LMO3: variants seen among roughly 807,000 people sequenced by gnomAD.
LMO3 encodes LIM domain only protein 3.
LMO3 carries 2 observed loss-of-function variants against 15.8 expected under a neutral mutation model. That is an observed-to-expected ratio of 0.13 (90% CI 0.05 to 0.40). The LOEUF is 0.40. Ranked by LOEUF, LMO3 falls within the 10% of genes least tolerant of loss-of-function variation. LMO3 has a pLI of 0.99. For missense variants in LMO3, 86 were observed against 182.2 expected (o/e 0.47, Z 3.04); for synonymous variants, 62 against 63.8 (o/e 0.97, Z 0.13).
intron 2 of LMO3, among the ~76,000 whole-genome samples, chr12:16,595,658 G>T (rs1345753016): frequency 6.6e-6 from 1 of 151,260 alleles, no homozygotes; most frequent in African/African-American, 2.4e-5. Flanking sequence ...AATTTTTAAG[G>T]AATATAACAG....
rs1416969730 is a variant in LMO3 at position 16,558,812 on chromosome 12, A to T, written c.332+1601T>A. Among the ~76,000 whole-genome samples the T allele has an allele frequency of 2.0e-5, 3 of 152,186 alleles. No homozygotes were observed. The East Asian group carries it at 5.8e-4, about 29-fold the overall frequency. On this transcript the variant is annotated intron_variant, in intron 3 of 3. Transcript: ENST00000537304. Reference sequence around the variant, plus strand: ...TGGAATATTATTTGGTAAATTATAAAGATAACTAACTTTTGAGAACCTGTT... The same window carrying T: ...TGGAATATTATTTGGTAAATTATAATGATAACTAACTTTTGAGAACCTGTT...
rs981849725 is a variant in LMO3 at position 16,550,314 on chromosome 12, C to T, written c.*908G>A. On this transcript the variant is annotated 3_prime_UTR_variant, in exon 4 of 4. Transcript: ENST00000537304. ...GAAGTTTAATTTATCACTTAAAAATCATCTCATAATTGTGGTAACAGATTT... is the reference window on the plus strand; with the variant it reads ...GAAGTTTAATTTATCACTTAAAAATTATCTCATAATTGTGGTAACAGATTT... The T allele has an allele frequency of 6.6e-6, 1 of 152,370 alleles. No individual in the cohort carries two copies. The highest frequency in any genetic ancestry group is 6.6e-5 in the Admixed American group (1 of 15,252). 9.4% of individuals were successfully genotyped at this position (152,370 alleles called of 1,614,324 possible).
intron 2 of LMO3, among the ~76,000 whole-genome samples, chr12:16,568,666 T>G (rs547702214): frequency 6.6e-6 from 1 of 152,232 alleles, no homozygotes; most frequent in East Asian, 1.9e-4. Flanking sequence ...TTTGGATACA[T>G]TGCATTAAAT....
In LMO3 at chr12:16,589,760, G is replaced by A. The variant is rs1025289789; in HGVS notation, c.206+10895C>T. Among the ~76,000 whole-genome samples, 17 of 152,134 alleles carry A rather than the reference G, an allele frequency of 1.1e-4. No homozygotes were observed. The highest frequency in any genetic ancestry group is 4.1e-4 in the African/African-American group (17 of 41,512). On this transcript the variant is annotated intron_variant, in intron 2 of 3. Transcript: ENST00000537304. This position sits in a 1 kb window ranked among gnomAD's most constrained non-coding sequence, Gnocchi z 4.2. ...GAAGACGAGGATCACCAAGTGATTA[G>A]GAATATAGGTTCCTCAACTCAATCT...
intron 3 of LMO3, among the ~76,000 whole-genome samples, chr12:16,557,389 C>T (rs551077685): frequency 2.9e-5 from 4 of 137,272 alleles, no homozygotes; most frequent in Admixed American, 1.5e-4. Flanking sequence ...TTTTTTTAAA[C>T]GTAATTCCTA....
chr12:16,604,582 A>C lies in LMO3; in HGVS notation c.-9+1484T>G. The C allele has an allele frequency of 2.5e-6, 1 of 405,964 alleles. No homozygotes were observed. Among genetic ancestry groups the C allele is most frequent in the South Asian group, 5.4e-5 (1 of 18,546 alleles). The allele number at this position is 405,964 out of a possible 1,614,324, so 25.1% of individuals were successfully genotyped here. A position where few individuals can be genotyped will look rare whatever the true frequency, so the allele number is the denominator to read the frequency against. On this transcript the variant is annotated intron_variant, in intron 1 of 3. Transcript: ENST00000537304. This position sits in a 1 kb window ranked among gnomAD's most constrained non-coding sequence, Gnocchi z 5.3. ...GCAAAATAAAAAAAAAAAATAAGAA[A>C]CATACATACACTCTAACAAAGAATC...
At chr12:16,575,788 C>T (rs1942975046) in intron 2 of LMO3, among the ~76,000 whole-genome samples, 1 of 145,470 alleles carries the variant, frequency 6.9e-6, no homozygotes, top group African/African-American at 2.6e-5. Context: ...ATGTCCTGAC[C>T]TGTAGGAAGT....
In LMO3 at chr12:16,582,639, C is replaced by T. The variant is rs1203231062; in HGVS notation, c.206+18016G>A. On this transcript the variant is annotated intron_variant, in intron 2 of 3. Coordinates refer to ENST00000537304, the MANE Select transcript of LMO3 (RefSeq NM_018640.5). The surrounding 1 kb of genome is among the most constrained non-coding windows in gnomAD (Gnocchi z 4.1). The stretch of plus-strand genomic sequence containing the variant: ...TCACAATAAGAGGAGGGATTGAAAC[C>T]ATGAGGACAAATAACATCTCCTAGG... Among the ~76,000 whole-genome samples, 3 of 152,266 alleles carry T rather than the reference C, an allele frequency of 2.0e-5. No individual in the cohort carries two copies. The highest frequency in any genetic ancestry group is 2.1e-4 in the South Asian group (1 of 4,826).
At chr12:16,583,193 A>G (rs1161336413) in intron 2 of LMO3, among the ~76,000 whole-genome samples, 1 of 152,188 alleles carries the variant, frequency 6.6e-6, no homozygotes, top group African/African-American at 2.4e-5. Flanking sequence ...GGCTTTAGCA[A>G]TTGGATGTCA....
Position 16,582,098 on chromosome 12 carries a change from A to C in LMO3, c.206+18557T>G, listed in dbSNP as rs1390526412. On this transcript the variant is annotated intron_variant, in intron 2 of 3. Transcript: ENST00000537304. The surrounding 1 kb of genome is among the most constrained non-coding windows in gnomAD (Gnocchi z 4.1). ...TTTAATGGAAATTACTTTAGTATTTAGCTGTTTTATAAATTTGCAGTTAGG... is the reference window on the plus strand; with the variant it reads ...TTTAATGGAAATTACTTTAGTATTTCGCTGTTTTATAAATTTGCAGTTAGG... 6.6e-6 allele frequency among the ~76,000 whole-genome samples: 1 copy of C among 152,174 alleles called. No individual in the cohort carries two copies.
chr12:16,583,989 G>A (rs996526427), intron 2 of LMO3, among the ~76,000 whole-genome samples: 21 of 152,180 alleles, frequency 1.4e-4, no homozygotes, highest in Admixed American at 9.8e-4. Flanking sequence ...AGATTCCTGA[G>A]ATGAAATACT....
rs1438871008 is a variant in LMO3 at position 16,591,928 on chromosome 12, G to C, written c.206+8727C>G. 6.6e-6 allele frequency among the ~76,000 whole-genome samples: 1 copy of C among 151,832 alleles called. No homozygotes were observed. Among genetic ancestry groups the C allele is most frequent in the Non-Finnish European group, 1.5e-5 (1 of 67,932 alleles). On this transcript the variant is annotated intron_variant, in intron 2 of 3. Coordinates refer to ENST00000537304, the MANE Select transcript of LMO3 (RefSeq NM_018640.5). The surrounding 1 kb of genome is among the most constrained non-coding windows in gnomAD (Gnocchi z 4.1). The stretch of plus-strand genomic sequence containing the variant: ...ATACCTCTTGTCATTCTCTATATTG[G>C]TTCCATGGGACTTAATTGGAGTGAA...
chr12:16,548,744 T>C lies in LMO3; in HGVS notation c.*2478A>G, dbSNP rs1290252806. 1 of 152,122 alleles carries C rather than the reference T, an allele frequency of 6.6e-6. No individual in the cohort carries two copies. Among genetic ancestry groups the C allele is most frequent in the African/African-American group, 2.4e-5 (1 of 41,432 alleles). 9.4% of individuals were successfully genotyped at this position (152,122 alleles called of 1,614,324 possible). ...CTTCAGGTCAATAAATGCTACAATTTATGGGCAATTAGCTGTAAAATGGCC... is the reference window on the plus strand; with the variant it reads ...CTTCAGGTCAATAAATGCTACAATTCATGGGCAATTAGCTGTAAAATGGCC... On this transcript the variant is annotated 3_prime_UTR_variant, in exon 4 of 4. Transcript: ENST00000537304. The surrounding 1 kb of genome is among the most constrained non-coding windows in gnomAD (Gnocchi z 4.2).
At chr12:16,571,439 T>G (rs1353443885) in intron 2 of LMO3, among the ~76,000 whole-genome samples, 1 of 152,112 alleles carries the variant, frequency 6.6e-6, no homozygotes, top group Non-Finnish European at 1.5e-5. Flanking sequence ...TTTCAAATTC[T>G]TTAAGAAGGT....
Position 16,582,868 on chromosome 12 carries a change from C to T in LMO3, c.206+17787G>A, listed in dbSNP as rs112121099. ...TTCGAGACCAGCCTGGCCAACATGG[C>T]GAAACCCCGTCTCTACTAAAATAAA... On this transcript the variant is annotated intron_variant, in intron 2 of 3. Transcript: ENST00000537304. This position sits in a 1 kb window ranked among gnomAD's most constrained non-coding sequence, Gnocchi z 4.1. 1.4e-3 allele frequency among the ~76,000 whole-genome samples: 210 copies of T among 151,762 alleles called. No homozygotes were observed. The highest frequency in any genetic ancestry group is 0.01 in the Middle Eastern group (3 of 292).
chr12:16,592,026 A>C (rs1019431983), intron 2 of LMO3, among the ~76,000 whole-genome samples: 1 of 152,046 alleles, frequency 6.6e-6, no homozygotes, highest in Admixed American at 6.6e-5. Flanking sequence ...AAATTTGAAA[A>C]ATAACTTGCT....
chr12:16,591,409 C>T lies in LMO3; in HGVS notation c.206+9246G>A, dbSNP rs1943491788. Among the ~76,000 whole-genome samples, 1 of 152,040 alleles carries T rather than the reference C, an allele frequency of 6.6e-6. No individual in the cohort carries two copies. The highest frequency in any genetic ancestry group is 1.5e-5 in the Non-Finnish European group (1 of 67,972). On this transcript the variant is annotated intron_variant, in intron 2 of 3. Transcript: ENST00000537304. This position sits in a 1 kb window ranked among gnomAD's most constrained non-coding sequence, Gnocchi z 4.1. ...ACACAAACCAAAATTCTACAAACCT[C>T]TTGTACTGCTTCATTTTCTCCTCAT...
chr12:16,554,956 C>T (rs145541918), intron 3 of LMO3, among the ~76,000 whole-genome samples: 1 of 152,342 alleles, frequency 6.6e-6, no homozygotes, highest in East Asian at 1.9e-4. Context: ...GCCACCGCGC[C>T]CGGCCAGGTT....
At chr12:16,552,350 T>G (rs1942021037) in intron 3 of LMO3, among the ~76,000 whole-genome samples, 1 of 152,040 alleles carries the variant, frequency 6.6e-6, no homozygotes, top group Admixed American at 6.5e-5. Context: ...TAGTCTCTCT[T>G]TATCAGATAG....
Sources: allele counts gnomAD v4.1 joint callset (sites outside exome capture counted in the v4.1 genomes callset), GRCh38; gene constraint gnomAD v4.1.1; non-coding constraint Gnocchi (gnomAD v3.1); transcripts MANE v1.5; gene names NCBI Gene and HGNC (gene_info 2026-07-23, HGNC 2026-07-21).